The following DEFB110 variants were observed in gnomAD, a reference collection of about 807,000 sequenced individuals.
DEFB110 encodes beta-defensin 110.
Under a neutral mutation model 2.5 loss-of-function variants are expected in DEFB110, and 4 were observed. The observed-to-expected ratio is 1.60, with a 90% CI of 0.79 to 3.66. The LOEUF (loss-of-function observed/expected upper bound fraction) is 3.66, where lower values mean the gene tolerates loss of function less well. DEFB110 is among the 30% of genes most tolerant of loss of function. The pLI is 0.01. For missense variants in DEFB110, 94 were observed against 75.4 expected (o/e 1.25, Z -0.91); for synonymous variants, 29 against 21.8 (o/e 1.33, Z -0.92).
chr6:50,018,193 G>C (rs1321770509), downstream of DEFB110, among the ~76,000 whole-genome samples: 2 of 151,882 alleles, frequency 1.3e-5, no homozygotes, highest in African/African-American at 4.8e-5. Flanking sequence ...GAGTGAAATT[G>C]AAAAGTGAAG....
At chr6:50,013,850 A>G (rs1182522416), downstream of DEFB110, among the ~76,000 whole-genome samples, 1 of 151,854 alleles carries the variant, frequency 6.6e-6, no homozygotes, top group Non-Finnish European at 1.5e-5. Context: ...TGTATGTTTG[A>G]TATTGAAACA....
chr6:50,018,917 GA>G lies in DEFB110; in HGVS notation c.*59del. The G allele has an allele frequency of 6.5e-7, 1 of 1,545,258 alleles. No homozygotes were observed. Among genetic ancestry groups the G allele is most frequent in the Non-Finnish European group, 8.7e-7 (1 of 1,150,732 alleles). On this transcript the variant is annotated 3_prime_UTR_variant, in exon 2 of 2. Coordinates refer to ENST00000371148, the MANE Select transcript of DEFB110 (RefSeq NM_001037497.2). Reference sequence around the variant, plus strand: ...ACACACGCCTTGAAGGATGTGCTGGGAAAACTTAATAACGCTGGTCTCTCTT... The same window carrying G: ...ACACACGCCTTGAAGGATGTGCTGGGAAACTTAATAACGCTGGTCTCTCTT...
intron 1 of DEFB110, among the ~76,000 whole-genome samples, chr6:50,020,890 G>A (rs866738752): frequency 2.6e-5 from 4 of 152,110 alleles, no homozygotes; most frequent in South Asian, 4.1e-4. Context: ...GTGATTACCC[G>A]TGACAGACAC....
chr6:50,014,581 G>A (rs892567535), downstream of DEFB110, among the ~76,000 whole-genome samples: 3 of 151,854 alleles, frequency 2.0e-5, no homozygotes, highest in East Asian at 3.9e-4. Flanking sequence ...CAAATGACGG[G>A]AAAAAGATGC....
intron 1 of DEFB110, among the ~76,000 whole-genome samples, chr6:50,011,198 T>C (rs1324842786): frequency 6.6e-6 from 1 of 151,404 alleles, no homozygotes; most frequent in Admixed American, 6.6e-5. Context: ...GATATATATA[T>C]ATCAATATAT....
chr6:50,017,001 A>C (rs1323824226), downstream of DEFB110, among the ~76,000 whole-genome samples: 4 of 151,394 alleles, frequency 2.6e-5, no homozygotes, highest in African/African-American at 9.7e-5. Context: ...GTCCTAACAA[A>C]CTCAACTCTT....
downstream of DEFB110, among the ~76,000 whole-genome samples, chr6:50,018,107 G>A (rs1275283235): frequency 6.6e-6 from 1 of 151,824 alleles, no homozygotes; most frequent in Non-Finnish European, 1.5e-5. Flanking sequence ...AAAACAAATG[G>A]TACAGATGCA....
downstream of DEFB110, among the ~76,000 whole-genome samples, chr6:50,016,316 G>C (rs1379828872): frequency 1.1e-4 from 17 of 151,694 alleles, no homozygotes; most frequent in Admixed American, 1.1e-3. Context: ...TCACTTAGTG[G>C]CATCTATTTT....
chr6:50,019,173 A>G (rs766222897), intron 1 of DEFB110, 48 bp from the exon 2 acceptor site: 2 of 1,567,582 alleles, frequency 1.3e-6, no homozygotes, highest in Non-Finnish European at 8.7e-7. Context: ...GCTATGACAC[A>G]TCCATGTTTT....
At chr6:50,017,920 T>C (rs1774345058), downstream of DEFB110, among the ~76,000 whole-genome samples, 1 of 151,960 alleles carries the variant, frequency 6.6e-6, no homozygotes, top group Non-Finnish European at 1.5e-5. Context: ...ATTTTATTTT[T>C]CTTTAGTTAA....
At chr6:50,019,268 C>A (rs866006552) in intron 1 of DEFB110, 143 bp from the exon 2 acceptor site, 10 of 823,452 alleles carry the variant, frequency 1.2e-5, no homozygotes, top group Middle Eastern at 7.0e-4. Flanking sequence ...AATTTACTGT[C>A]CCTTGGTACA....
At chr6:50,019,418 A>G (rs1774379667) in intron 1 of DEFB110, among the ~76,000 whole-genome samples, 1 of 152,110 alleles carries the variant, frequency 6.6e-6, no homozygotes, top group African/African-American at 2.4e-5. Flanking sequence ...TCTTTTGGTC[A>G]GACTCTCTCT....
intron 1 of DEFB110, among the ~76,000 whole-genome samples, chr6:50,020,461 T>A (rs1330799160): frequency 1.3e-5 from 2 of 151,846 alleles, no homozygotes; most frequent in African/African-American, 4.8e-5. Flanking sequence ...TGTATACACA[T>A]CAAATTCTTG....
At chr6:50,017,620 A>C (rs538967995), downstream of DEFB110, among the ~76,000 whole-genome samples, 22 of 152,056 alleles carry the variant, frequency 1.4e-4, no homozygotes, top group Non-Finnish European at 2.4e-4. Flanking sequence ...GTTATAAATA[A>C]CTATTGTAAA....
At chr6:50,015,080 A>G (rs913836387), downstream of DEFB110, among the ~76,000 whole-genome samples, 1 of 151,744 alleles carries the variant, frequency 6.6e-6, no homozygotes, top group Admixed American at 6.6e-5. Flanking sequence ...GGCACAGCTC[A>G]ATCTTTCCAA....
At chr6:50,012,305 A>G (rs1169913739) in intron 1 of DEFB110, among the ~76,000 whole-genome samples, 2 of 151,932 alleles carry the variant, frequency 1.3e-5, no homozygotes. Context: ...CCCACTATAT[A>G]CCTCATTCAC....
At chr6:50,011,684 C>T (rs1774231028) in intron 1 of DEFB110, among the ~76,000 whole-genome samples, 1 of 152,004 alleles carries the variant, frequency 6.6e-6, no homozygotes, top group African/African-American at 2.4e-5. Context: ...TATATCTCTC[C>T]ACCTCCTCAC....
At chr6:50,016,071 A>G (rs1774310995), downstream of DEFB110, among the ~76,000 whole-genome samples, 1 of 151,802 alleles carries the variant, frequency 6.6e-6, no homozygotes, top group Non-Finnish European at 1.5e-5. Flanking sequence ...ACTTATGAAA[A>G]GTTGCCTGAA....
downstream of DEFB110, among the ~76,000 whole-genome samples, chr6:50,016,105 A>G (rs1774311917): frequency 6.6e-6 from 1 of 151,850 alleles, no homozygotes; most frequent in Non-Finnish European, 1.5e-5. Context: ...AATTGGAATT[A>G]GATTTTGTTC....
Sources: allele counts gnomAD v4.1 joint callset (sites outside exome capture counted in the v4.1 genomes callset), GRCh38; gene constraint gnomAD v4.1.1; transcripts MANE v1.5; gene names NCBI Gene and HGNC (gene_info 2026-07-23, HGNC 2026-07-21).